The following COX7B2 variants were observed in gnomAD, a reference collection of about 807,000 sequenced individuals.
COX7B2 encodes cytochrome c oxidase subunit 7B2, mitochondrial.
For synonymous variants in COX7B2, 37 were observed against 32.1 expected (o/e 1.15, Z -0.51); for missense variants, 109 against 95.9 (o/e 1.14, Z -0.57).
intron 2 of COX7B2, among the ~76,000 whole-genome samples, chr4:46,841,335 CTG>C (rs145768502): frequency 0.021 from 2,986 of 139,686 alleles, 32 homozygotes; most frequent in Middle Eastern, 0.047. Flanking sequence ...CAAATGTGCT[CTG>C]TGTGTGTGTG....
intron 2 of COX7B2, among the ~76,000 whole-genome samples, chr4:46,788,331 T>G (rs988916218): frequency 1.4e-4 from 22 of 152,196 alleles, no homozygotes; most frequent in African/African-American, 5.3e-4. Context: ...TGATAGACAA[T>G]AAAAAATCAT....
chr4:46,828,284 C>T (rs1476605038), intron 2 of COX7B2, among the ~76,000 whole-genome samples: 3 of 151,976 alleles, frequency 2.0e-5, no homozygotes, highest in African/African-American at 4.8e-5. Context: ...AAAAGAAAAA[C>T]AGAAAACCCA....
chr4:46,736,438 T>G (rs1441473441), intron 2 of COX7B2, among the ~76,000 whole-genome samples: 2 of 151,996 alleles, frequency 1.3e-5, no homozygotes, highest in African/African-American at 4.8e-5. Flanking sequence ...GCATCTGGTG[T>G]GGTGATCTGG....
intron 2 of COX7B2, among the ~76,000 whole-genome samples, chr4:46,763,742 AAAC>A (rs1716361322): frequency 6.6e-6 from 1 of 152,212 alleles, no homozygotes; most frequent in Non-Finnish European, 1.5e-5. Context: ...ACTAAAGACT[AAAC>A]AACAGAGAAT....
At chr4:46,832,452 T>A (rs1715208509) in intron 2 of COX7B2, among the ~76,000 whole-genome samples, 1 of 152,160 alleles carries the variant, frequency 6.6e-6, no homozygotes, top group African/African-American at 2.4e-5. Context: ...AACATCAAGT[T>A]AAAAGTGTCA....
intron 2 of COX7B2, among the ~76,000 whole-genome samples, chr4:46,775,139 A>G (rs760623979): frequency 1.3e-5 from 2 of 152,102 alleles, no homozygotes; most frequent in African/African-American, 4.8e-5. Flanking sequence ...ACAAGTATAT[A>G]TCATTTGCCA....
chr4:46,868,095 T>C (rs999006641), intron 1 of COX7B2, among the ~76,000 whole-genome samples: 5 of 152,172 alleles, frequency 3.3e-5, no homozygotes, highest in Non-Finnish European at 7.3e-5. Flanking sequence ...TTCTTCCTGG[T>C]TGAGTCTTGG....
intron 2 of COX7B2, among the ~76,000 whole-genome samples, chr4:46,777,889 C>T (rs769622881): frequency 6.6e-6 from 1 of 151,980 alleles, no homozygotes; most frequent in Admixed American, 6.6e-5. Flanking sequence ...ACAGATGGAC[C>T]AAATAACATG....
intron 2 of COX7B2, among the ~76,000 whole-genome samples, chr4:46,766,811 A>G (rs1416189428): frequency 6.6e-6 from 1 of 152,174 alleles, no homozygotes; most frequent in Non-Finnish European, 1.5e-5. Context: ...ATTATAAAAT[A>G]TTTTATGTAA....
chr4:46,760,641 G>T (rs1012660600), intron 2 of COX7B2, among the ~76,000 whole-genome samples: 1 of 151,904 alleles, frequency 6.6e-6, no homozygotes, highest in Non-Finnish European at 1.5e-5. Context: ...AATCCACCAT[G>T]GCATGTGTAT....
chr4:46,800,761 AATT>A (rs139500497), intron 2 of COX7B2, among the ~76,000 whole-genome samples: 158 of 149,026 alleles, frequency 1.1e-3, no homozygotes, highest in African/African-American at 3.8e-3. Flanking sequence ...AGTGGGACTT[AATT>A]AAAGAGTTTT....
At chr4:46,800,388 A>G (rs1333726629) in intron 2 of COX7B2, among the ~76,000 whole-genome samples, 1 of 152,176 alleles carries the variant, frequency 6.6e-6, no homozygotes, top group Non-Finnish European at 1.5e-5. Context: ...AGTCACCAAA[A>G]CAGTATGGTA....
intron 2 of COX7B2, among the ~76,000 whole-genome samples, chr4:46,815,423 C>G (rs1332820617): frequency 1.3e-5 from 2 of 152,068 alleles, no homozygotes; most frequent in Non-Finnish European, 2.9e-5. Flanking sequence ...AATTATCTAT[C>G]CTACTTGTTA....
chr4:46,794,255 A>C (rs1178856997), intron 2 of COX7B2, among the ~76,000 whole-genome samples: 1 of 152,186 alleles, frequency 6.6e-6, no homozygotes, highest in Non-Finnish European at 1.5e-5. Context: ...ATTAGGATGA[A>C]TATATTGACA....
At chr4:46,828,858 A>T (rs1244531894) in intron 2 of COX7B2, among the ~76,000 whole-genome samples, 4 of 152,170 alleles carry the variant, frequency 2.6e-5, no homozygotes, top group Admixed American at 6.5e-5. Context: ...AAAAAAGGTA[A>T]TTGCAGAAAA....
chr4:46,889,784 C>T (rs1719315319), intron 1 of COX7B2, among the ~76,000 whole-genome samples: 1 of 152,020 alleles, frequency 6.6e-6, no homozygotes, highest in South Asian at 2.1e-4. Context: ...TCTTGGTTCA[C>T]TACAATGACA....
intron 2 of COX7B2, among the ~76,000 whole-genome samples, chr4:46,741,053 G>A (rs537810916): frequency 1.3e-5 from 2 of 152,160 alleles, no homozygotes; most frequent in Non-Finnish European, 2.9e-5. Context: ...AGGATTTGCT[G>A]TATGATCCAA....
chr4:46,888,950 T>C (rs2109865793), intron 1 of COX7B2, among the ~76,000 whole-genome samples: 1 of 152,320 alleles, frequency 6.6e-6, no homozygotes, highest in East Asian at 1.9e-4. Context: ...TATGTATTAG[T>C]TGTACATTTT....
At chr4:46,883,972 T>C (rs1560436790) in intron 1 of COX7B2, among the ~76,000 whole-genome samples, 1 of 152,138 alleles carries the variant, frequency 6.6e-6, no homozygotes, top group South Asian at 2.1e-4. Context: ...TTCAGTGTTA[T>C]GCAGTAAAAA....
Sources: allele counts gnomAD v4.1 joint callset (sites outside exome capture counted in the v4.1 genomes callset), GRCh38; gene constraint gnomAD v4.1.1; transcripts MANE v1.5; gene names NCBI Gene and HGNC (gene_info 2026-07-23, HGNC 2026-07-21).